CABIN1: variants seen among roughly 807,000 people sequenced by gnomAD.
CABIN1 encodes calcineurin binding protein 1.
A neutral mutation model predicts 227.7 loss-of-function variants in CABIN1; 133 were observed. The ratio of observed to expected loss-of-function variants is 0.58; its 90% CI spans 0.51 to 0.67. CABIN1 has a LOEUF of 0.67. CABIN1 is among the 30% of genes least tolerant of loss of function. The pLI, the probability that CABIN1 is intolerant of heterozygous loss-of-function variation, is 0.00. For synonymous variants in CABIN1, 1,086 were observed against 1,155.1 expected (o/e 0.94, Z 1.21); for missense variants, 2,408 against 2,852.5 (o/e 0.84, Z 3.55).
At position 24,028,839 on chromosome 22, in the gene CABIN1, T is replaced by C. The variant is rs557971625; in HGVS notation, c.-74-6605T>C. ...TGGGATTTGGTACCAGATATAGTGG[T>C]ACAAAGATAAATAGGACAGGATTGC... On this transcript the variant is annotated intron_variant, in intron 1 of 36. Transcript: ENST00000263119. Among the ~76,000 whole-genome samples, 12 of 152,104 alleles carry C rather than the reference T, an allele frequency of 7.9e-5. No homozygotes were observed. The South Asian group carries it at 2.3e-3, about 29-fold the overall frequency.
intron 28 of CABIN1, 32 bp downstream of exon 28, chr22:24,119,730 T>A (rs1264592399): frequency 9.4e-6 from 15 of 1,595,398 alleles, no homozygotes; most frequent in Non-Finnish European, 1.3e-5. Flanking sequence ...GGGGCTTGGA[T>A]CTTCCCAGGG....
At chr22:24,041,354 A>G (rs1265338414) in intron 5 of CABIN1, 81 bp downstream of exon 5, 6 of 1,565,498 alleles carry the variant, frequency 3.8e-6, no homozygotes, top group Non-Finnish European at 4.4e-6. Context: ...CTTGTGGGCC[A>G]AAAAGAAGAG....
intron 6 of CABIN1, among the ~76,000 whole-genome samples, chr22:24,046,908 G>A (rs991537074): frequency 1.3e-5 from 2 of 152,112 alleles, no homozygotes; most frequent in Non-Finnish European, 2.9e-5. Context: ...CCCCCCCACC[G>A]CAATGTCCCA....
At chr22:24,063,238 G>GTGTA (rs772507099) in intron 14 of CABIN1, 92 bp downstream of exon 14, 8 of 410,380 alleles carry the variant, frequency 1.9e-5, no homozygotes, top group Non-Finnish European at 3.1e-5. Context: ...GTGTGTGTAT[G>GTGTA]TGTGTGTGTG....
chr22:24,032,496 A>G (rs776486044), intron 1 of CABIN1, among the ~76,000 whole-genome samples: 3 of 152,198 alleles, frequency 2.0e-5, no homozygotes, highest in Admixed American at 6.5e-5. Flanking sequence ...TTTTGTGTAT[A>G]TAGCCAGATG....
chr22:24,084,278 G>T (rs2041001012), intron 20 of CABIN1, among the ~76,000 whole-genome samples: 1 of 147,766 alleles, frequency 6.8e-6, no homozygotes, highest in South Asian at 2.1e-4. Flanking sequence ...TCACTCTGTT[G>T]CCCAGGCTGG....
chr22:24,064,021 T>C lies in CABIN1; in HGVS notation c.1885-14T>C. On this transcript the variant is annotated splice_polypyrimidine_tract_variant and intron_variant, in intron 14 of 36. Coordinates refer to ENST00000263119, the MANE Select transcript of CABIN1 (RefSeq NM_012295.4). The stretch of plus-strand genomic sequence containing the variant: ...TTCTGCTTTGGTTCCCTGACCTGTT[T>C]TCCGTCTAACCAGGGAGACATGGAG... The C allele has an allele frequency of 6.2e-7, 1 of 1,614,026 alleles. No homozygotes were observed.
chr22:24,176,102 T>TC lies in CABIN1; in HGVS notation c.6041-5dup. The TC allele has an allele frequency of 1.9e-6, 3 of 1,609,096 alleles. No individual in the cohort carries two copies. Among genetic ancestry groups the TC allele is most frequent in the Non-Finnish European group, 2.5e-6 (3 of 1,178,372 alleles). On this transcript the variant is annotated splice_polypyrimidine_tract_variant and intron_variant, in intron 34 of 36. Transcript: ENST00000263119. Reference sequence around the variant, plus strand: ...GTCTATTACCTGCAGTGAGCCCATGTCCCCACAGAGGGAGAAGAGCTGGCG... The same window carrying TC: ...GTCTATTACCTGCAGTGAGCCCATGTCCCCCACAGAGGGAGAAGAGCTGGCG...
intron 23 of CABIN1, among the ~76,000 whole-genome samples, 179 bp downstream of exon 23, chr22:24,087,892 C>G (rs1244642023): frequency 3.3e-5 from 5 of 151,604 alleles, no homozygotes; most frequent in Non-Finnish European, 5.9e-5. Context: ...AACTTGGTCC[C>G]TGGTCTTTGG....
chr22:24,135,251 A>G (rs745819846), intron 29 of CABIN1, among the ~76,000 whole-genome samples: 32 of 148,628 alleles, frequency 2.2e-4, no homozygotes, highest in Admixed American at 7.4e-4. Context: ...TTAGCTGGGC[A>G]TGGTGGCAGG....
chr22:24,062,648 T>A (rs1376038853), intron 13 of CABIN1, among the ~76,000 whole-genome samples: 1 of 152,160 alleles, frequency 6.6e-6, no homozygotes, highest in Non-Finnish European at 1.5e-5. Flanking sequence ...CATGAGCCAC[T>A]GGGCCCAGCT....
chr22:24,098,578 C>G (rs892612344), intron 26 of CABIN1, among the ~76,000 whole-genome samples: 1 of 152,144 alleles, frequency 6.6e-6, no homozygotes, highest in Non-Finnish European at 1.5e-5. Flanking sequence ...CTGCATTGTT[C>G]AGCAGCACAT....
intron 9 of CABIN1, among the ~76,000 whole-genome samples, chr22:24,055,857 C>G (rs2038754359): frequency 6.6e-6 from 1 of 152,222 alleles, no homozygotes; most frequent in Admixed American, 6.5e-5. Flanking sequence ...TAGCCACTCA[C>G]TCTGTCCGTT....
intron 18 of CABIN1, among the ~76,000 whole-genome samples, 199 bp from the exon 19 acceptor site, chr22:24,075,970 G>A (rs569997733): frequency 1.6e-4 from 24 of 150,362 alleles, no homozygotes; most frequent in Non-Finnish European, 2.4e-4. Context: ...GTTTTGATAA[G>A]CGTGTATTGC....
chr22:24,128,741 A>G (rs955308655), intron 28 of CABIN1, among the ~76,000 whole-genome samples: 2 of 152,196 alleles, frequency 1.3e-5, no homozygotes, highest in Admixed American at 6.5e-5. Context: ...TGCCTGAGGT[A>G]TGGCTAGGTG....
intron 16 of CABIN1, among the ~76,000 whole-genome samples, chr22:24,067,394 G>C (rs910556212): frequency 3.4e-4 from 51 of 152,230 alleles, no homozygotes; most frequent in Admixed American, 3.3e-3. Context: ...CTAGGGTTCT[G>C]CGTGGCTCAG....
At chr22:24,122,338 G>T (rs1006461387) in intron 28 of CABIN1, among the ~76,000 whole-genome samples, 4 of 152,060 alleles carry the variant, frequency 2.6e-5, no homozygotes, top group African/African-American at 9.7e-5. Context: ...TTGGATTTTG[G>T]CTTTTTTCAG....
chr22:24,134,505 C>A, intron 29 of CABIN1, 90 bp downstream of exon 29: 1 of 1,067,882 alleles, frequency 9.4e-7, no homozygotes, highest in Non-Finnish European at 1.4e-6. Context: ...GGTGGGTGTT[C>A]CCAGGGCCTC....
chr22:24,140,618 A>G (rs1173796331), intron 29 of CABIN1, among the ~76,000 whole-genome samples: 2 of 152,240 alleles, frequency 1.3e-5, no homozygotes, highest in Non-Finnish European at 2.9e-5. Flanking sequence ...TCCCATAGTA[A>G]CCAAACCAGA....
Sources: gnomAD v4.1 joint callset for allele counts (sites outside exome capture counted in the v4.1 genomes callset) on GRCh38, gnomAD v4.1.1 for gene constraint, MANE v1.5 for transcripts, NCBI Gene and HGNC (gene_info 2026-07-23, HGNC 2026-07-21) for gene names.